CNOT6: variants seen among roughly 807,000 people sequenced by gnomAD.
CNOT6 encodes CCR4-NOT transcription complex subunit 6.
A neutral mutation model predicts 61.2 loss-of-function variants in CNOT6; 12 were observed. That is an observed-to-expected ratio of 0.20 (90% confidence interval 0.13 to 0.32). The LOEUF is 0.32. CNOT6 is among the 10% of genes least tolerant of loss of function. CNOT6 has a pLI of 1.00. For missense variants in CNOT6, 405 were observed against 663.9 expected, an observed-to-expected ratio of 0.61 and a Z score of 4.28; for synonymous variants, 225 against 240.6, an observed-to-expected ratio of 0.94 and a Z score of 0.60.
rs1197115580 is a variant in CNOT6, at chr5:180,574,933, A to G, written c.*733A>G. On this transcript the variant is annotated 3_prime_UTR_variant, in exon 12 of 12. Transcript: ENST00000261951. ...GATGTTTTCAGACCAGAGGCAACTT[A>G]TTCATGAATTTTTATGAAAACTATC... 6.5e-6 allele frequency: 1 copy of G among 152,718 alleles called. No homozygotes were observed. Among genetic ancestry groups the G allele is most frequent in the Admixed American group, 6.5e-5 (1 of 15,270 alleles). 9.5% of individuals were successfully genotyped at this position (152,718 alleles called of 1,614,324 possible).
rs755187394 is a variant in CNOT6, at chr5:180,575,859, C to G, written c.*1659C>G. The stretch of plus-strand genomic sequence containing the variant: ...CTCACTCTTACTAACAATTTTTATA[C>G]AGAAAATGAGTCATTTTGGAAATGA... On this transcript the variant is annotated 3_prime_UTR_variant, in exon 12 of 12. Transcript: ENST00000261951. 17 of 151,606 alleles carry G rather than the reference C, an allele frequency of 1.1e-4. No homozygotes were observed. Among genetic ancestry groups the G allele is most frequent in the Admixed American group, 1.1e-3 (17 of 15,168 alleles). The allele number at this position is 151,606 out of a possible 1,614,324, so 9.4% of individuals were successfully genotyped here. A position where few individuals can be genotyped will look rare whatever the true frequency, so the allele number is the denominator to read the frequency against.
chr5:180,506,314 C>T (rs1366370638), intron 1 of CNOT6, among the ~76,000 whole-genome samples: 1 of 152,214 alleles, frequency 6.6e-6, no homozygotes, highest in Non-Finnish European at 1.5e-5. Context: ...AAACTCGAAT[C>T]AGACTTGGGT....
At chr5:180,567,748 C>T (rs1407465397) in intron 8 of CNOT6, 101 bp from the exon 9 acceptor site, 6 of 1,499,266 alleles carry the variant, frequency 4.0e-6, no homozygotes, top group South Asian at 2.3e-5. Context: ...TAAGTGCCAT[C>T]GTATCTGTTA....
At chr5:180,494,897 C>T (rs1411997448) in intron 1 of CNOT6, 134 bp downstream of exon 1, 1 of 152,014 alleles carries the variant, frequency 6.6e-6, no homozygotes, top group Non-Finnish European at 1.5e-5. Flanking sequence ...GCTCCGCAAG[C>T]TGGCGGCTGT....
intron 1 of CNOT6, among the ~76,000 whole-genome samples, chr5:180,497,550 C>G (rs1008107003): frequency 6.6e-6 from 1 of 152,040 alleles, no homozygotes; most frequent in African/African-American, 2.4e-5. Context: ...GAACCCATTC[C>G]CATATGCAAG....
rs571430136 is a variant in CNOT6 at position 180,547,712 on chromosome 5, C to T, written c.113-2219C>T. On this transcript the variant is annotated intron_variant, in intron 2 of 11. Coordinates refer to ENST00000261951, the MANE Select transcript of CNOT6 (RefSeq NM_001370472.1). ...AATTTTCTTTTATGAAATTTTCATA[C>T]GTTTGAGTTCATGGAGTTGTTTGTT... is the stretch of plus-strand genomic sequence containing the variant. 7.9e-5 allele frequency among the ~76,000 whole-genome samples: 12 copies of T among 152,086 alleles called. 1 individual carries two copies. In the South Asian group the frequency reaches 2.5e-3, roughly 32 times the overall value.
intron 2 of CNOT6, among the ~76,000 whole-genome samples, chr5:180,545,955 G>A (rs1352562974): frequency 6.6e-6 from 1 of 152,078 alleles, no homozygotes; most frequent in Non-Finnish European, 1.5e-5. Context: ...TTTGCCATCT[G>A]TTTATATCTT....
chr5:180,568,498 G>A, intron 9 of CNOT6, among the ~76,000 whole-genome samples: 1 of 151,606 alleles, frequency 6.6e-6, no homozygotes, highest in East Asian at 1.9e-4. Flanking sequence ...GTTGCAGTGA[G>A]CCAAGATTGT....
At chr5:180,548,241 G>A (rs746326724) in intron 2 of CNOT6, among the ~76,000 whole-genome samples, 24 of 152,132 alleles carry the variant, frequency 1.6e-4, no homozygotes, top group Non-Finnish European at 2.6e-4. Flanking sequence ...AAAAACGAAC[G>A]CTGTACCCAT....
chr5:180,556,516 C>T (rs1278000031), intron 4 of CNOT6, among the ~76,000 whole-genome samples: 2 of 152,070 alleles, frequency 1.3e-5, no homozygotes, highest in African/African-American at 4.8e-5. Flanking sequence ...TCACATTGTT[C>T]CCCATAAACA....
intron 1 of CNOT6, among the ~76,000 whole-genome samples, chr5:180,509,592 T>G (rs890492701): frequency 5.9e-5 from 9 of 151,998 alleles, no homozygotes; most frequent in Non-Finnish European, 1.2e-4. Flanking sequence ...AATTTTTTTT[T>G]TTTTTTTGTA....
chr5:180,563,216 A>ATTT (rs11379078), intron 4 of CNOT6, among the ~76,000 whole-genome samples: 21 of 140,232 alleles, frequency 1.5e-4, no homozygotes, highest in South Asian at 2.3e-4. Flanking sequence ...TTCCTGTTAA[A>ATTT]TTTTTTTTTT....
chr5:180,544,436 T>C (rs1759204592), intron 2 of CNOT6, among the ~76,000 whole-genome samples: 1 of 152,258 alleles, frequency 6.6e-6, no homozygotes, highest in Non-Finnish European at 1.5e-5. Flanking sequence ...TCCTGGTTTT[T>C]TGGTACTTAG....
At chr5:180,510,634 TA>T (rs2127701787) in intron 1 of CNOT6, among the ~76,000 whole-genome samples, 1 of 152,346 alleles carries the variant, frequency 6.6e-6, no homozygotes, top group African/African-American at 2.4e-5. Flanking sequence ...TATGTGTATT[TA>T]AAAATAGCAT....
intron 2 of CNOT6, among the ~76,000 whole-genome samples, chr5:180,538,274 C>G (rs541647863): frequency 2.0e-5 from 3 of 151,820 alleles, no homozygotes; most frequent in Non-Finnish European, 2.9e-5. Context: ...CTCCTGACCT[C>G]GTGATCTGCC....
chr5:180,500,683 T>G (rs1168184366), intron 1 of CNOT6, among the ~76,000 whole-genome samples: 1 of 152,218 alleles, frequency 6.6e-6, no homozygotes, highest in Non-Finnish European at 1.5e-5. Flanking sequence ...ATAACTCAGT[T>G]TCAAAAATAC....
At chr5:180,544,757 A>G (rs1464145174) in intron 2 of CNOT6, among the ~76,000 whole-genome samples, 1 of 152,202 alleles carries the variant, frequency 6.6e-6, no homozygotes, top group African/African-American at 2.4e-5. Context: ...TTCTTTAGGC[A>G]TACCCTTCCC....
chr5:180,544,001 T>G (rs898760229), intron 2 of CNOT6, among the ~76,000 whole-genome samples: 1 of 151,844 alleles, frequency 6.6e-6, no homozygotes, highest in Admixed American at 6.6e-5. Context: ...TTAGTAGAGA[T>G]GGGGTTTCAC....
chr5:180,513,968 C>G (rs1175409465), intron 1 of CNOT6, among the ~76,000 whole-genome samples: 1 of 151,864 alleles, frequency 6.6e-6, no homozygotes, highest in East Asian at 2.0e-4. Flanking sequence ...TCCCAAAGTG[C>G]TGGGATTACA....
Sources: gnomAD v4.1 joint callset for allele counts (sites outside exome capture counted in the v4.1 genomes callset) on GRCh38, gnomAD v4.1.1 for gene constraint, MANE v1.5 for transcripts, NCBI Gene and HGNC (gene_info 2026-07-23, HGNC 2026-07-21) for gene names.